The following TFAP2E variants were observed in gnomAD, a reference collection of about 807,000 sequenced individuals.
TFAP2E encodes the protein transcription factor AP-2 epsilon, also known as transcription factor AP-2-epsilon.
Under a neutral mutation model 37.9 loss-of-function variants are expected in TFAP2E, and 30 were observed. The ratio of observed to expected loss-of-function variants is 0.79; its 90% CI spans 0.59 to 1.07. TFAP2E has a LOEUF of 1.07. TFAP2E is among the 50% of genes least tolerant of loss of function. The pLI is 0.00. For synonymous variants in TFAP2E, 318 were observed against 295.8 expected (o/e 1.08, Z -0.77); for missense variants, 567 against 637.9 (o/e 0.89, Z 1.20).
In TFAP2E at chr1:35,573,790, T is replaced by A; in HGVS notation, c.28-137T>A. The A allele has an allele frequency of 7.3e-7, 1 of 1,372,398 alleles. No homozygotes were observed. Among genetic ancestry groups the A allele is most frequent in the Non-Finnish European group, 9.5e-7 (1 of 1,053,762 alleles). 85.0% of individuals were successfully genotyped at this position (1,372,398 alleles called of 1,614,324 possible). On this transcript the variant is annotated intron_variant, in intron 1 of 6. Transcript: ENST00000373235. The surrounding 1 kb of genome is among the most constrained non-coding windows in gnomAD (Gnocchi z 5.9). ...AGCCTGAGGCTCCTGCGCCCGCGGG[T>A]GGCTCGGAAATAAACCTCGGGCCCC...
chr1:35,587,361 C>T lies in TFAP2E; in HGVS notation c.563-969C>T, dbSNP rs550333318. Among the ~76,000 whole-genome samples the T allele has an allele frequency of 4.6e-5, 7 of 152,220 alleles. No individual in the cohort carries two copies. The South Asian group carries it at 6.2e-4, about 14-fold the overall frequency. ...GAATTTTAGAAAATTAACTTCTGGC[C>T]GGGCACGGTGGCTCATGCCTGTAAT... On this transcript the variant is annotated intron_variant, in intron 3 of 6. Transcript: ENST00000373235.
chr1:35,582,861 T>C (rs542372755), intron 3 of TFAP2E, among the ~76,000 whole-genome samples: 4 of 152,262 alleles, frequency 2.6e-5, no homozygotes, highest in Admixed American at 1.3e-4. Flanking sequence ...GCAAAAGTTT[T>C]AGACTTTGAT....
intron 3 of TFAP2E, among the ~76,000 whole-genome samples, chr1:35,580,433 C>T (rs1649316388): frequency 6.6e-6 from 1 of 152,114 alleles, no homozygotes; most frequent in Non-Finnish European, 1.5e-5. Flanking sequence ...CAAGGAACCA[C>T]ATGCATCAGG....
Position 35,586,234 on chromosome 1 carries a change from T to A in TFAP2E, c.563-2096T>A, listed in dbSNP as rs368610099. 5.3e-5 allele frequency among the ~76,000 whole-genome samples: 8 copies of A among 152,204 alleles called. No homozygotes were observed. The East Asian group carries it at 9.6e-4, about 18-fold the overall frequency. On this transcript the variant is annotated intron_variant, in intron 3 of 6. Transcript: ENST00000373235. ...TAACATGATGGTTAAAGCTGTGAAC[T>A]CTGGAGTCAGTGCTCAGAGTTGAAG...
In TFAP2E at chr1:35,593,778, C is replaced by T. The variant is rs77425743; in HGVS notation, c.1047-616C>T. 5.6e-3 allele frequency among the ~76,000 whole-genome samples: 848 copies of T among 152,254 alleles called. 9 individuals carry two copies. Among genetic ancestry groups the T allele is most frequent in the African/African-American group, 0.019 (806 of 41,528 alleles). ...TCTCTTGCCTGAGCCACACACAGGACGCACAAAGGAATGAATAATGAATGG... is the reference window on the plus strand; with the variant it reads ...TCTCTTGCCTGAGCCACACACAGGATGCACAAAGGAATGAATAATGAATGG... On this transcript the variant is annotated intron_variant, in intron 6 of 6. Transcript: ENST00000373235.
Position 35,590,607 on chromosome 1 carries a change from C to A in TFAP2E, c.905-27C>A, listed in dbSNP as rs146094537. The A allele has an allele frequency of 4.1e-4, 589 of 1,451,958 alleles. 2 individuals are homozygous for A. In the East Asian group the frequency reaches 0.013, roughly 32 times the overall value. The allele number at this position is 1,451,958 out of a possible 1,614,324, so 89.9% of individuals were successfully genotyped here. On this transcript the variant is annotated intron_variant, in intron 5 of 6. Transcript: ENST00000373235. The surrounding 1 kb of genome is among the most constrained non-coding windows in gnomAD (Gnocchi z 6.2). ...GTTCCAGGCGCAGAGGTACACCCTG[C>A]AGTAGTGACAGCTCCCCTCCCCCCA...
Position 35,580,125 on chromosome 1 carries a change from G to T in TFAP2E, c.562+5125G>T, listed in dbSNP as rs140233726. ...CTCCGGAGGCTGAGACAGGAAAATCGCTTGAACCCGGGAGGCGGAGGTTGC... is the reference window on the plus strand; with the variant it reads ...CTCCGGAGGCTGAGACAGGAAAATCTCTTGAACCCGGGAGGCGGAGGTTGC... On this transcript the variant is annotated intron_variant, in intron 3 of 6. Transcript: ENST00000373235. 9.8e-3 allele frequency among the ~76,000 whole-genome samples: 1,490 copies of T among 152,186 alleles called. 30 individuals are homozygous for T. Among genetic ancestry groups the T allele is most frequent in the African/African-American group, 0.034 (1,417 of 41,482 alleles).
rs1256960153 is a variant in TFAP2E, at chr1:35,577,840, C to T, written c.562+2840C>T. The T allele has an allele frequency of 1.0e-5, 2 of 200,764 alleles. No individual in the cohort carries two copies. Among genetic ancestry groups the T allele is most frequent in the African/African-American group, 4.7e-5 (2 of 42,900 alleles). The allele number at this position is 200,764 out of a possible 1,614,324, so 12.4% of individuals were successfully genotyped here. A position where few individuals can be genotyped will look rare whatever the true frequency, so the allele number is the denominator to read the frequency against. ...TTCCGGGTCCCATGCCAGTTGCATCCGCGGTATTGGGCAGGAAATGGCAGG... is the reference window on the plus strand; with the variant it reads ...TTCCGGGTCCCATGCCAGTTGCATCTGCGGTATTGGGCAGGAAATGGCAGG... On this transcript the variant is annotated intron_variant, in intron 3 of 6. Transcript: ENST00000373235. This position sits in a 1 kb window ranked among gnomAD's most constrained non-coding sequence, Gnocchi z 6.3.
Position 35,590,721 on chromosome 1 carries a change from A to G in TFAP2E, c.992A>G (p.Gln331Arg). The change falls in exon 6 of 7, where the codon CAG becomes CGG. Residue 331 changes from glutamine to arginine, a missense_variant. Coordinates refer to ENST00000373235, the MANE Select transcript of TFAP2E (RefSeq NM_178548.4). The surrounding 1 kb of genome is among the most constrained non-coding windows in gnomAD (Gnocchi z 6.2). ...AKAAAEYLCR[Q>R]HADPGELHSR... ...GCAGCTGCCGAGTACCTGTGCCGAC[A>G]GCACGCTGACCCGGGGGAGCTGCAC... 6.4e-7 allele frequency: 1 copy of G among 1,552,944 alleles called. No individual in the cohort carries two copies. The highest frequency in any genetic ancestry group is 8.8e-7 in the Non-Finnish European group (1 of 1,139,794).
chr1:35,584,169 A>G (rs894828635), intron 3 of TFAP2E, among the ~76,000 whole-genome samples: 2 of 152,138 alleles, frequency 1.3e-5, no homozygotes, highest in Non-Finnish European at 2.9e-5. Context: ...TGGTGCAATC[A>G]TAGCTCACTG....
rs769782472 is a variant in TFAP2E at position 35,574,392 on chromosome 1, G to A, written c.493G>A (p.Gly165Ser). Residue 165 changes from glycine (G) to serine (S), a missense_variant, in exon 2 of 7, where the codon GGT becomes AGT. By Grantham distance (56) the Gly-to-Ser change is moderately conservative. This residue lies in a region of TFAP2E where 312 missense variants were observed against 317.4 expected (regional missense o/e 0.98). Coordinates refer to ENST00000373235, the MANE Select transcript of TFAP2E (RefSeq NM_178548.4). The stretch of plus-strand genomic sequence containing the variant: ...CCTTCCGGGGCTGGCGGCGGCCCCC[G>A]GTCTGGAGGACCTGCAGGTGAGACC... ...LGLPGLAAAP[G>S]LEDLQAMDEP... is the part of the protein sequence containing the mutation. 3 of 1,432,470 alleles carry A rather than the reference G, an allele frequency of 2.1e-6. No individual in the cohort carries two copies. The highest frequency in any genetic ancestry group is 3.1e-5 in the Admixed American group (1 of 32,356). 88.7% of individuals were successfully genotyped at this position (1,432,470 alleles called of 1,614,324 possible). A position where few individuals can be genotyped will look rare whatever the true frequency, so the allele number is the denominator to read the frequency against.
At chr1:35,583,949 T>TA (rs1330991561) in intron 3 of TFAP2E, among the ~76,000 whole-genome samples, 1 of 152,150 alleles carries the variant, frequency 6.6e-6, no homozygotes, top group East Asian at 1.9e-4. Context: ...TCTCTGCCCT[T>TA]ATATCTAGCA....
At chr1:35,574,608 G>A (rs559342404) in intron 2 of TFAP2E, 199 bp downstream of exon 2, 2 of 931,148 alleles carry the variant, frequency 2.1e-6, no homozygotes, top group Non-Finnish European at 3.1e-6. Flanking sequence ...GAGTCCGCCA[G>A]CAGTGCGTGG....
In TFAP2E at chr1:35,578,581, C is replaced by T. The variant is rs544354644; in HGVS notation, c.562+3581C>T. 2.0e-5 allele frequency among the ~76,000 whole-genome samples: 3 copies of T among 152,222 alleles called. No homozygotes were observed. The East Asian group carries it at 5.8e-4, about 29-fold the overall frequency. ...CTACTTGGGGGTGGGGAATCCCTCT[C>T]CACGGGCTCAGCTGTCCAATCTCAG... On this transcript the variant is annotated intron_variant, in intron 3 of 6. Transcript: ENST00000373235.
chr1:35,577,405 C>T lies in TFAP2E; in HGVS notation c.562+2405C>T, dbSNP rs1363917654. ...ATTAGCGCCCTCCTTCGTCCTCGGC[C>T]CTTCCGACGGCACGAGGAACTCCTG... On this transcript the variant is annotated intron_variant, in intron 3 of 6. Coordinates refer to ENST00000373235, the MANE Select transcript of TFAP2E (RefSeq NM_178548.4). This position sits in a 1 kb window ranked among gnomAD's most constrained non-coding sequence, Gnocchi z 6.3. The T allele has an allele frequency of 2.2e-6, 1 of 456,824 alleles. No homozygotes were observed. Among genetic ancestry groups the T allele is most frequent in the Non-Finnish European group, 4.4e-6 (1 of 226,990 alleles). The allele number at this position is 456,824 out of a possible 1,614,324, so 28.3% of individuals were successfully genotyped here.
chr1:35,588,295 C>A lies in TFAP2E; in HGVS notation c.563-35C>A. 6.4e-7 allele frequency: 1 copy of A among 1,573,750 alleles called. No homozygotes were observed. Among genetic ancestry groups the A allele is most frequent in the Non-Finnish European group, 8.7e-7 (1 of 1,154,182 alleles). ...CTCCCTTGAGTGGGGCTGTGTGCGG[C>A]AGCCACTGGCTCAGCGTTTCCCTCT... On this transcript the variant is annotated intron_variant, in intron 3 of 6. Coordinates refer to ENST00000373235, the MANE Select transcript of TFAP2E (RefSeq NM_178548.4). This position sits in a 1 kb window ranked among gnomAD's most constrained non-coding sequence, Gnocchi z 5.1.
At chr1:35,592,633 T>C (rs2148554835) in intron 6 of TFAP2E, among the ~76,000 whole-genome samples, 1 of 152,316 alleles carries the variant, frequency 6.6e-6, no homozygotes, top group Non-Finnish European at 1.5e-5. Flanking sequence ...CCTCACATGA[T>C]CCACCTGCCT....
At chr1:35,589,369 G>A (rs1422576739) in intron 4 of TFAP2E, among the ~76,000 whole-genome samples, 4 of 151,962 alleles carry the variant, frequency 2.6e-5, no homozygotes, top group Admixed American at 2.6e-4. Context: ...GAGTCCCTGA[G>A]TGTCTGTACA....
At chr1:35,593,454 T>A (rs1012694231) in intron 6 of TFAP2E, among the ~76,000 whole-genome samples, 1 of 152,214 alleles carries the variant, frequency 6.6e-6, no homozygotes, top group Non-Finnish European at 1.5e-5. Context: ...TCCTTGGGTT[T>A]GTTTCCGGCT....
Sources: allele counts gnomAD v4.1 joint callset (sites outside exome capture counted in the v4.1 genomes callset), GRCh38; gene constraint gnomAD v4.1.1; regional missense constraint gnomAD v4.1.1; non-coding constraint Gnocchi (gnomAD v3.1); transcripts MANE v1.5; gene names NCBI Gene and HGNC (gene_info 2026-07-23, HGNC 2026-07-21).